The following ANXA8 variants were observed in gnomAD, a reference collection of about 807,000 sequenced individuals.
ANXA8 encodes the protein VAC-beta.
ANXA8 carries 9 observed loss-of-function variants against 26.8 expected under a neutral mutation model. The observed-to-expected ratio is 0.34, with a 90% CI of 0.20 to 0.59. The LOEUF (loss-of-function observed/expected upper bound fraction) is 0.59, where lower values mean the gene tolerates loss of function less well. ANXA8 is among the 20% of genes least tolerant of loss of function. The pLI, the probability that ANXA8 is intolerant of heterozygous loss-of-function variation, is 0.84. For synonymous variants in ANXA8, 39 were observed against 94.8 expected, an observed-to-expected ratio of 0.41 and a Z score of 3.42; for missense variants, 83 against 238.5, an observed-to-expected ratio of 0.35 and a Z score of 4.29.
the ANXA8 span, among the ~76,000 whole-genome samples, chr10:47,683,899 G>T: frequency 6.6e-6 from 1 of 151,528 alleles, no homozygotes; most frequent in African/African-American, 2.4e-5. Flanking sequence ...GAGGGGAAAA[G>T]CACTCTCTTT....
At chr10:47,475,409 TGG>T in intron 6 of ANXA8, 82 bp downstream of exon 6, 1 of 1,611,442 alleles carries the variant, frequency 6.2e-7, no homozygotes, top group Non-Finnish European at 8.5e-7. Context: ...CTGACTCTTG[TGG>T]CGCTATTCAA....
upstream of ANXA8, chr10:47,487,305 T>A (rs1840065380): frequency 1.0e-6 from 1 of 954,968 alleles, no homozygotes; most frequent in Non-Finnish European, 1.5e-6. Context: ...GACTTTCTGC[T>A]GCATGGGTGA....
At chr10:47,748,232 G>A in the ANXA8 span, among the ~76,000 whole-genome samples, 3 of 146,574 alleles carry the variant, frequency 2.0e-5, no homozygotes, top group Non-Finnish European at 3.0e-5. Context: ...TTTTTGAGAC[G>A]GAGTTTTTCT....
chr10:47,552,117 T>C, the ANXA8 span, among the ~76,000 whole-genome samples: 1 of 151,682 alleles, frequency 6.6e-6, no homozygotes, highest in Non-Finnish European at 1.5e-5. Flanking sequence ...TTCATTTCTC[T>C]CTGTTATGCT....
the ANXA8 span, among the ~76,000 whole-genome samples, chr10:47,766,368 C>A: frequency 3.9e-5 from 1 of 25,344 alleles, no homozygotes; most frequent in African/African-American, 1.7e-4. Context: ...ACACTGCCAG[C>A]CAGCCCACTG....
At chr10:47,560,383 T>C in the ANXA8 span, among the ~76,000 whole-genome samples, 1 of 151,776 alleles carries the variant, frequency 6.6e-6, no homozygotes, top group African/African-American at 2.4e-5. Flanking sequence ...AAAAAAGTGA[T>C]TTATGTGTGG....
At chr10:47,894,917 C>G in the ANXA8 span, among the ~76,000 whole-genome samples, 1 of 152,012 alleles carries the variant, frequency 6.6e-6, no homozygotes, top group African/African-American at 2.4e-5. Flanking sequence ...ACAGCATACA[C>G]ACATCACACA....
chr10:47,756,729 G>A, the ANXA8 span, among the ~76,000 whole-genome samples: 2 of 152,400 alleles, frequency 1.3e-5, no homozygotes, highest in South Asian at 2.1e-4. Flanking sequence ...AGCCCAAATG[G>A]GGTGGGACAT....
the ANXA8 span, among the ~76,000 whole-genome samples, chr10:47,583,955 A>G: frequency 8.9e-6 from 1 of 112,468 alleles, no homozygotes; most frequent in Non-Finnish European, 1.7e-5. Context: ...TGAGGCAGGC[A>G]GATCCCTTGA....
chr10:47,693,034 C>T, the ANXA8 span, among the ~76,000 whole-genome samples: 1 of 151,764 alleles, frequency 6.6e-6, no homozygotes, highest in Non-Finnish European at 1.5e-5. Flanking sequence ...CGTGCCTGGC[C>T]AGAATATGTT....
chr10:47,470,203 A>G (rs1370620765), intron 11 of ANXA8, among the ~76,000 whole-genome samples: 2 of 151,824 alleles, frequency 1.3e-5, no homozygotes, highest in African/African-American at 4.9e-5. Context: ...GTTGAAAACC[A>G]TTTTTGCTTT....
the ANXA8 span, among the ~76,000 whole-genome samples, chr10:47,988,459 C>A: frequency 2.4e-5 from 2 of 83,856 alleles, 1 homozygote; most frequent in East Asian, 4.4e-4. Flanking sequence ...AGCTCTACCC[C>A]CTGAGAGCAT....
the ANXA8 span, among the ~76,000 whole-genome samples, chr10:47,953,522 G>A: frequency 6.6e-6 from 1 of 150,804 alleles, no homozygotes; most frequent in Non-Finnish European, 1.5e-5. Flanking sequence ...AGTTTCTTAT[G>A]AATTTAAATA....
chr10:47,487,130 C>T, upstream of ANXA8: 6 of 1,413,474 alleles, frequency 4.2e-6, no homozygotes, highest in East Asian at 1.5e-4. Context: ...CTTAAGTGTA[C>T]ACCATAAATA....
chr10:47,474,386 C>A lies in ANXA8; in HGVS notation c.565G>T (p.Ala189Ser). Residue 189 changes from alanine (A) to serine (S), a missense_variant, in exon 8 of 12, where the codon GCA (alanine) becomes TCA (serine). Ala to Ser is a moderately conservative substitution (Grantham distance 99, BLOSUM62 1). Transcript: ENST00000585281. ...TCAGTCCCACGAATCTTCTCGCCTG[C>A]CGCATACAGATCCTAGCATTGGGAC... is the stretch of plus-strand genomic sequence containing the variant. Reference protein sequence around the residue: ...ALQDAQDLYAAGEKIRGTDEM... With the variant: ...ALQDAQDLYASGEKIRGTDEM... 1 of 1,497,944 alleles carries A rather than the reference C, an allele frequency of 6.7e-7. No homozygotes were observed. The highest frequency in any genetic ancestry group is 1.2e-5 in the South Asian group (1 of 84,584). The allele number at this position is 1,497,944 out of a possible 1,614,324, so 92.8% of individuals were successfully genotyped here. A position where few individuals can be genotyped will look rare whatever the true frequency, so the allele number is the denominator to read the frequency against.
the ANXA8 span, among the ~76,000 whole-genome samples, chr10:47,741,030 A>T: frequency 5.3e-5 from 8 of 150,494 alleles, no homozygotes; most frequent in Admixed American, 4.0e-4. Flanking sequence ...AGTCATTTTC[A>T]CTGTAGCCAT....
chr10:47,974,732 A>G, the ANXA8 span, among the ~76,000 whole-genome samples: 4 of 147,888 alleles, frequency 2.7e-5, no homozygotes, highest in Non-Finnish European at 6.0e-5. Context: ...ATTAGTTTCT[A>G]TTTTTATCGC....
the ANXA8 span, among the ~76,000 whole-genome samples, chr10:47,688,148 C>T: frequency 1.4e-3 from 202 of 148,558 alleles, no homozygotes; most frequent in African/African-American, 4.8e-3. Context: ...GACTGAAGTG[C>T]AGTGGTGTGA....
the ANXA8 span, among the ~76,000 whole-genome samples, chr10:47,559,319 G>C: frequency 6.6e-6 from 1 of 151,068 alleles, no homozygotes; most frequent in Non-Finnish European, 1.5e-5. Context: ...TAAAGATGGG[G>C]GTTTCACCAT....
Sources: allele counts gnomAD v4.1 joint callset (sites outside exome capture counted in the v4.1 genomes callset), GRCh38; gene constraint gnomAD v4.1.1; transcripts MANE v1.5; gene names NCBI Gene and HGNC (gene_info 2026-07-23, HGNC 2026-07-21).